The following DMD variants were observed in gnomAD, a reference collection of about 807,000 sequenced individuals.
DMD encodes the protein mutant dystrophin.
A neutral mutation model predicts 330.1 loss-of-function variants in DMD; 63 were observed. The ratio of observed to expected loss-of-function variants is 0.19; its 90% confidence interval spans 0.16 to 0.24. The LOEUF (loss-of-function observed/expected upper bound fraction) is 0.24. Among genes scored for constraint, DMD ranks in the 10% least tolerant of loss-of-function variants. The pLI, the probability that DMD is intolerant of heterozygous loss-of-function variation, is 1.00. For synonymous variants in DMD, 1,223 were observed against 959.8 expected, an observed-to-expected ratio of 1.27 and a Z score of -5.07; for missense variants, 3,344 against 2,684.1, an observed-to-expected ratio of 1.25 and a Z score of -5.43.
chrX:32,463,677 T>C, intron 24 of DMD, 83 bp from the exon 25 acceptor site: 1 of 868,276 alleles, frequency 1.2e-6, no homozygotes, highest in East Asian at 3.6e-5. Context: ...AAATGTAAAA[T>C]TGGGACTGAT....
chrX:33,231,092 T>C (rs993555411), intron 1 of DMD, among the ~76,000 whole-genome samples: 2 of 111,836 alleles, frequency 1.8e-5, no homozygotes, highest in African/African-American at 6.5e-5. Flanking sequence ...AAATTTGATA[T>C]TTTTAGTAAC....
At chrX:32,894,108 G>A (rs775461826) in intron 2 of DMD, among the ~76,000 whole-genome samples, 75 of 111,934 alleles carry the variant, frequency 6.7e-4, no homozygotes, top group Non-Finnish European at 1.2e-3. Flanking sequence ...GCATGACCAT[G>A]AGAATTAATG....
intron 16 of DMD, among the ~76,000 whole-genome samples, chrX:32,555,791 C>T (rs1259150664): frequency 1.8e-5 from 2 of 111,954 alleles, no homozygotes; most frequent in Non-Finnish European, 3.8e-5. Flanking sequence ...AAGTGGACTT[C>T]TTCCTTACAA....
intron 61 of DMD, among the ~76,000 whole-genome samples, chrX:31,326,785 G>T (rs1482785574): frequency 1.8e-5 from 2 of 111,259 alleles, no homozygotes; most frequent in Non-Finnish European, 3.8e-5. Flanking sequence ...ATTTGGGGCT[G>T]CCAGATGATT....
intron 18 of DMD, among the ~76,000 whole-genome samples, chrX:32,505,695 C>A (rs1159364207): frequency 8.9e-6 from 1 of 112,157 alleles, no homozygotes; most frequent in Non-Finnish European, 1.9e-5. Context: ...ACTCAAATTC[C>A]TGCACATGAA....
At chrX:32,461,060 T>C (rs942427623) in intron 25 of DMD, among the ~76,000 whole-genome samples, 6 of 111,698 alleles carry the variant, frequency 5.4e-5, no homozygotes, top group African/African-American at 1.9e-4. Context: ...CAAAATTAGA[T>C]CATGGGATGT....
At chrX:32,221,532 C>T (rs1438167213) in intron 43 of DMD, among the ~76,000 whole-genome samples, 1 of 111,529 alleles carries the variant, frequency 9.0e-6, no homozygotes, top group African/African-American at 3.3e-5. Context: ...TCTTTTTTTA[C>T]ATCTTTTATT....
chrX:31,790,443 T>A (rs1339731330), intron 50 of DMD, among the ~76,000 whole-genome samples: 1 of 111,852 alleles, frequency 8.9e-6, no homozygotes, highest in East Asian at 2.8e-4. Flanking sequence ...TGGTGATTAG[T>A]GAATCAGATT....
chrX:32,962,074 T>C (rs754109781), intron 2 of DMD, among the ~76,000 whole-genome samples: 1 of 111,654 alleles, frequency 9.0e-6, no homozygotes, highest in Non-Finnish European at 1.9e-5. Flanking sequence ...AGCATAGGAC[T>C]ACAAAATGGC....
At chrX:32,543,149 A>G (rs752022635) in intron 17 of DMD, among the ~76,000 whole-genome samples, 48 of 111,813 alleles carry the variant, frequency 4.3e-4, no homozygotes, top group Admixed American at 3.6e-3. Context: ...TACTGAGCAC[A>G]TAATAAATCC....
At chrX:31,659,725 C>T (rs1229552777) in intron 53 of DMD, among the ~76,000 whole-genome samples, 1 of 106,218 alleles carries the variant, frequency 9.4e-6, no homozygotes, top group East Asian at 2.9e-4. Context: ...TACATCATTC[C>T]AATGGTCCAA....
intron 1 of DMD, among the ~76,000 whole-genome samples, chrX:33,094,807 C>CAAAAAAAAA (rs199716276): frequency 5.0e-5 from 3 of 60,084 alleles, no homozygotes; most frequent in African/African-American, 7.4e-5. Context: ...GACTCCATCT[C>CAAAAAAAAA]AAAAAAAAAA....
chrX:32,622,197 G>A (rs190780321), intron 11 of DMD, among the ~76,000 whole-genome samples: 1 of 111,284 alleles, frequency 9.0e-6, no homozygotes, highest in East Asian at 2.8e-4. Context: ...CCAAAGAATG[G>A]GTTCTACCTG....
chrX:33,168,445 T>C (rs1409808936), intron 1 of DMD, among the ~76,000 whole-genome samples: 5 of 109,813 alleles, frequency 4.6e-5, no homozygotes, highest in Non-Finnish European at 1.9e-5. Flanking sequence ...TTTTTGAAAT[T>C]GAATCCTAGA....
Position 32,645,171 on chromosome X carries a change from T to C in DMD, c.961-19A>G. ...CCAAATGCTGCACAATAAAATAAAT[T>C]GGGTGTTACACAATTAATGTCTTTG... On this transcript the variant is annotated intron_variant, in intron 9 of 78. Transcript: ENST00000357033. 1.7e-6 allele frequency: 2 copies of C among 1,204,602 alleles called. No individual in the cohort carries two copies. Among genetic ancestry groups the C allele is most frequent in the South Asian group, 1.8e-5 (1 of 56,642 alleles).
rs1218943656 is a variant in DMD, at chrX:33,304,752, C to T, written c.7+34507G>A. On this transcript the variant is annotated intron_variant, in intron 1 of 17. Coordinates refer to the DMD transcript ENST00000288447. ...ACAAACAACCCCATCAAAAAGTGGGCGAAGGACATGAACAGACACTTCTCA... is the reference window on the plus strand; with the variant it reads ...ACAAACAACCCCATCAAAAAGTGGGTGAAGGACATGAACAGACACTTCTCA... 1.3e-4 allele frequency among the ~76,000 whole-genome samples: 13 copies of T among 99,914 alleles called. No homozygotes were observed. In the East Asian group the frequency reaches 2.3e-3, roughly 17 times the overall value. 86.8% of individuals were successfully genotyped at this position (99,914 alleles called of 115,157 possible). A position where few individuals can be genotyped will look rare whatever the true frequency, so the allele number is the denominator to read the frequency against.
At chrX:33,277,330 T>C (rs1226097967) in intron 1 of DMD, among the ~76,000 whole-genome samples, 1 of 111,666 alleles carries the variant, frequency 9.0e-6, no homozygotes. Context: ...TGAAAATATT[T>C]TGGACCAAAA....
chrX:32,664,463 G>C lies in DMD; in HGVS notation c.961-19311C>G, dbSNP rs760460045. ...TCACCGTGTTAGCCAGGATGGTCTC[G>C]ATCTCCTGACCTCGTGATCCGCCCG... On this transcript the variant is annotated intron_variant, in intron 9 of 78. Transcript: ENST00000357033. Among the ~76,000 whole-genome samples the C allele has an allele frequency of 6.5e-3, 715 of 109,873 alleles. 4 individuals carry two copies. The highest frequency in any genetic ancestry group is 9.8e-3 in the Non-Finnish European group (518 of 52,698).
chrX:32,962,901 G>A (rs889725221), intron 2 of DMD, among the ~76,000 whole-genome samples: 1 of 111,077 alleles, frequency 9.0e-6, no homozygotes, highest in South Asian at 3.8e-4. Context: ...AAGGGTACTA[G>A]TGTAAGACAG....
Sources: allele counts gnomAD v4.1 joint callset (sites outside exome capture counted in the v4.1 genomes callset), GRCh38; gene constraint gnomAD v4.1.1; transcripts MANE v1.5; gene names NCBI Gene and HGNC (gene_info 2026-07-23, HGNC 2026-07-21).